SYCP1: variants seen among roughly 807,000 people sequenced by gnomAD.
SYCP1 encodes cancer/testis antigen 8.
Under a neutral mutation model 153.1 loss-of-function variants are expected in SYCP1, and 64 were observed. The observed-to-expected ratio is 0.42, with a 90% CI of 0.34 to 0.51. The LOEUF (loss-of-function observed/expected upper bound fraction) is 0.51. Among genes scored for constraint, SYCP1 ranks in the 20% least tolerant of loss-of-function variants. SYCP1 has a pLI of 0.06. For missense variants in SYCP1, 997 were observed against 1,049.0 expected, an observed-to-expected ratio of 0.95 and a Z score of 0.68; for synonymous variants, 384 against 341.8, an observed-to-expected ratio of 1.12 and a Z score of -1.36.
intron 12 of SYCP1, among the ~76,000 whole-genome samples, chr1:114,879,557 G>C (rs753640173): frequency 2.0e-5 from 3 of 152,194 alleles, no homozygotes; most frequent in African/African-American, 4.8e-5. Context: ...GTGACTAGGA[G>C]TGTATTGAGG....
At chr1:114,926,381 T>C in intron 22 of SYCP1, 41 bp downstream of exon 22, 7 of 1,503,158 alleles carry the variant, frequency 4.7e-6, no homozygotes, top group Non-Finnish European at 5.3e-6. Context: ...CAAACTGATA[T>C]TTTCACCACA....
intron 27 of SYCP1, among the ~76,000 whole-genome samples, chr1:114,950,553 C>A (rs1029025786): frequency 1.3e-5 from 2 of 152,074 alleles, no homozygotes; most frequent in Admixed American, 1.3e-4. Flanking sequence ...TTTCTATATA[C>A]TGAGATTGGA....
chr1:114,862,269 G>A (rs372397541), intron 8 of SYCP1, among the ~76,000 whole-genome samples: 1 of 152,084 alleles, frequency 6.6e-6, no homozygotes, highest in East Asian at 1.9e-4. Context: ...TACAGTGATA[G>A]GGTAGAAGGA....
intron 8 of SYCP1, among the ~76,000 whole-genome samples, chr1:114,868,413 T>C (rs1026698529): frequency 2.6e-5 from 4 of 152,172 alleles, no homozygotes; most frequent in African/African-American, 9.7e-5. Context: ...GTAGCTGGAA[T>C]TGGGATTATA....
intron 27 of SYCP1, among the ~76,000 whole-genome samples, chr1:114,967,637 T>C (rs1291161091): frequency 1.3e-5 from 2 of 152,226 alleles, no homozygotes; most frequent in Non-Finnish European, 1.5e-5. Context: ...CTTCATCCAC[T>C]GTGCCAGTCT....
chr1:114,911,690 G>A (rs1489923123), intron 18 of SYCP1, 108 bp downstream of exon 18: 7 of 470,922 alleles, frequency 1.5e-5, no homozygotes, highest in African/African-American at 1.5e-4. Context: ...GAATGGATTT[G>A]AAATTGTATT....
At chr1:114,886,420 A>G (rs1275092218) in intron 14 of SYCP1, 111 bp downstream of exon 14, 3 of 917,362 alleles carry the variant, frequency 3.3e-6, no homozygotes, top group Non-Finnish European at 4.5e-6. Flanking sequence ...AATTCATATA[A>G]CAACTGTAGT....
At chr1:114,971,632 G>GT (rs1672495054) in intron 27 of SYCP1, among the ~76,000 whole-genome samples, 2 of 152,094 alleles carry the variant, frequency 1.3e-5, no homozygotes, top group African/African-American at 4.8e-5. Flanking sequence ...TTTATTGAGG[G>GT]TTTTTATCAT....
chr1:114,961,235 C>CT (rs1472121047), intron 27 of SYCP1, among the ~76,000 whole-genome samples: 1 of 152,056 alleles, frequency 6.6e-6, no homozygotes, highest in African/African-American at 2.4e-5. Flanking sequence ...TGAATCTTCT[C>CT]TTTTCTTGGT....
chr1:114,969,417 C>T lies in SYCP1; in HGVS notation c.2323-8140C>T, dbSNP rs527972565. On this transcript the variant is annotated intron_variant, in intron 27 of 31. Coordinates refer to ENST00000369522, the MANE Select transcript of SYCP1 (RefSeq NM_003176.4). Reference sequence around the variant, plus strand: ...GGTGGGCTCTGCTTAGTTCGAACTTCCCTGTGGCTTTGTTTACACTGTGAA... The same window carrying T: ...GGTGGGCTCTGCTTAGTTCGAACTTTCCTGTGGCTTTGTTTACACTGTGAA... Among the ~76,000 whole-genome samples the T allele has an allele frequency of 5.3e-5, 8 of 152,238 alleles. No homozygotes were observed. The South Asian group carries it at 1.7e-3, about 32-fold the overall frequency.
intron 27 of SYCP1, among the ~76,000 whole-genome samples, chr1:114,964,468 T>C (rs889594616): frequency 6.6e-6 from 1 of 152,168 alleles, no homozygotes; most frequent in African/African-American, 2.4e-5. Flanking sequence ...TCCTGAATGG[T>C]ATTGCCTAGG....
rs1666402520 is a variant in SYCP1 at position 114,887,612 on chromosome 1, A to T, written c.1191-14A>T. The T allele has an allele frequency of 1.3e-6, 2 of 1,496,836 alleles. No homozygotes were observed. The highest frequency in any genetic ancestry group is 4.6e-5 in the East Asian group (2 of 43,572). The allele number at this position is 1,496,836 out of a possible 1,614,324, so 92.7% of individuals were successfully genotyped here. On this transcript the variant is annotated splice_polypyrimidine_tract_variant and intron_variant, in intron 14 of 31. Coordinates refer to ENST00000369522, the MANE Select transcript of SYCP1 (RefSeq NM_003176.4). ...AAAATAATATTTTGTATTGAAAATG[A>T]TATATTTTACAAGATTGGAAAAAAA...
chr1:114,940,824 C>T (rs900825145), intron 23 of SYCP1, among the ~76,000 whole-genome samples: 5 of 151,480 alleles, frequency 3.3e-5, no homozygotes, highest in African/African-American at 1.2e-4. Context: ...CATTCTGTAC[C>T]TCTGCTTTTT....
intron 27 of SYCP1, among the ~76,000 whole-genome samples, 176 bp downstream of exon 27, chr1:114,947,496 C>G (rs1161520088): frequency 6.6e-6 from 1 of 151,918 alleles, no homozygotes; most frequent in African/African-American, 2.4e-5. Flanking sequence ...AATGTAAATG[C>G]AAAACACACG....
intron 15 of SYCP1, among the ~76,000 whole-genome samples, 172 bp downstream of exon 15, chr1:114,887,865 G>A (rs374578174): frequency 2.0e-5 from 3 of 152,120 alleles, no homozygotes; most frequent in East Asian, 1.9e-4. Flanking sequence ...TTAAGAAAGA[G>A]TGTTTTATTC....
intron 23 of SYCP1, among the ~76,000 whole-genome samples, chr1:114,938,152 G>T (rs1670146936): frequency 6.6e-6 from 1 of 152,098 alleles, no homozygotes; most frequent in South Asian, 2.1e-4. Context: ...CAACCCAAAT[G>T]TCCATCAATG....
chr1:114,882,120 G>A (rs541599213), intron 12 of SYCP1, among the ~76,000 whole-genome samples: 1 of 152,236 alleles, frequency 6.6e-6, no homozygotes, highest in East Asian at 1.9e-4. Context: ...AGGAGTTCGA[G>A]GTTACAGTGA....
intron 12 of SYCP1, among the ~76,000 whole-genome samples, chr1:114,882,152 T>C (rs1217769183): frequency 2.0e-5 from 3 of 152,022 alleles, no homozygotes; most frequent in Non-Finnish European, 2.9e-5. Flanking sequence ...TCCATTGCAC[T>C]CCAACCTGGG....
At chr1:114,860,630 T>G in intron 7 of SYCP1, 106 bp from the exon 8 acceptor site, 1 of 705,240 alleles carries the variant, frequency 1.4e-6, no homozygotes, top group Non-Finnish European at 2.3e-6. Flanking sequence ...GATTATAATA[T>G]TTTAAAAATT....
Sources: gnomAD v4.1 joint callset for allele counts (sites outside exome capture counted in the v4.1 genomes callset) on GRCh38, gnomAD v4.1.1 for gene constraint, MANE v1.5 for transcripts, NCBI Gene and HGNC (gene_info 2026-07-23, HGNC 2026-07-21) for gene names.